MTMR3: variants seen among roughly 807,000 people sequenced by gnomAD.
MTMR3 encodes phosphatidylinositol-3,5-bisphosphate 3-phosphatase MTMR3.
In MTMR3, 32 loss-of-function variants were observed where a neutral mutation model predicts 132.4. The observed-to-expected ratio is 0.24, with a 90% CI of 0.18 to 0.32. The LOEUF is 0.32. MTMR3 is among the 10% of genes least tolerant of loss of function. The pLI, the probability that MTMR3 is intolerant of heterozygous loss-of-function variation, is 1.00. For synonymous variants in MTMR3, 556 were observed against 550.3 expected, an observed-to-expected ratio of 1.01 and a Z score of -0.14; for missense variants, 1,216 against 1,489.6, an observed-to-expected ratio of 0.82 and a Z score of 3.02.
intron 2 of MTMR3, among the ~76,000 whole-genome samples, 172 bp downstream of exon 2, chr22:29,957,260 A>AAT (rs1555905355): frequency 6.9e-6 from 1 of 144,634 alleles, no homozygotes; most frequent in African/African-American, 2.6e-5. Context: ...CTTACATGTG[A>AAT]TTATTTTTTT....
chr22:30,009,458 C>T (rs979852845), intron 12 of MTMR3: 1 of 230,162 alleles, frequency 4.3e-6, no homozygotes, highest in South Asian at 7.5e-5. Context: ...ATTTTTAGCC[C>T]AAAGAAATTT....
chr22:29,889,609 A>T (rs80127579), intron 1 of MTMR3, among the ~76,000 whole-genome samples: 15,533 of 144,456 alleles, frequency 0.11, 810 homozygotes, highest in Middle Eastern at 0.17. Context: ...AGTGTTTTTT[A>T]AAAAAAAAAG....
At chr22:29,949,093 C>G (rs111347032) in intron 1 of MTMR3, among the ~76,000 whole-genome samples, 8 of 118,768 alleles carry the variant, frequency 6.7e-5, no homozygotes, top group Non-Finnish European at 3.4e-5. Flanking sequence ...GAGGCCCTGT[C>G]TTAAAACACA....
At chr22:30,007,793 A>G in intron 10 of MTMR3, 108 bp from the exon 11 acceptor site, 1 of 1,364,334 alleles carries the variant, frequency 7.3e-7, no homozygotes, top group Non-Finnish European at 1.0e-6. Context: ...AGGGGATTTC[A>G]TTTTATTGAG....
In MTMR3 at chr22:29,896,035, C is replaced by T. The variant is rs183833250; in HGVS notation, c.-138+12676C>T. On this transcript the variant is annotated intron_variant, in intron 1 of 19. Transcript: ENST00000401950. ...CAAGCTTTTTCACCTTTTGGCTGGG[C>T]GTGGTAGCCCACGCCTGTATTCCCA... Among the ~76,000 whole-genome samples, 369 of 152,272 alleles carry T rather than the reference C, an allele frequency of 2.4e-3. 1 individual carries two copies. The highest frequency in any genetic ancestry group is 7.4e-4 in the Non-Finnish European group (50 of 68,026).
intron 5 of MTMR3, chr22:29,979,316 C>T (rs2066692590): frequency 4.0e-6 from 1 of 251,606 alleles, no homozygotes; most frequent in Non-Finnish European, 7.9e-6. Flanking sequence ...CACGGTGAAA[C>T]CCCATTTCTA....
chr22:29,927,432 G>T (rs1008868355), intron 1 of MTMR3, among the ~76,000 whole-genome samples: 14 of 152,294 alleles, frequency 9.2e-5, no homozygotes, highest in African/African-American at 2.4e-4. Flanking sequence ...AGATCATTTT[G>T]TCAGTTTGTT....
At position 30,020,738 on chromosome 22, in the gene MTMR3, A is replaced by C. The variant is rs1200707842; in HGVS notation, c.3079A>C (p.Ile1027Leu). The change falls in exon 17 of 20, where the codon ATC becomes CTC. Residue 1027 changes from isoleucine to leucine, a missense_variant. Transcript: ENST00000401950. The stretch of plus-strand genomic sequence containing the variant: ...TGGCATGTCAGTGTACACAGACACG[A>C]TCCAACAGCGCCTGCGTCAGATTGA... ...DDGMSVYTDT[I>L]QQRLRQIESG... The C allele has an allele frequency of 6.2e-7, 1 of 1,614,098 alleles. No homozygotes were observed. The highest frequency in any genetic ancestry group is 1.3e-5 in the African/African-American group (1 of 74,948).
chr22:29,944,920 G>A (rs1263565403), intron 1 of MTMR3, among the ~76,000 whole-genome samples: 1 of 152,180 alleles, frequency 6.6e-6, no homozygotes, highest in Non-Finnish European at 1.5e-5. Flanking sequence ...TAGGTTCATT[G>A]CTGAAATTGC....
chr22:30,017,718 C>T (rs574809608), intron 15 of MTMR3: 1 of 517,520 alleles, frequency 1.9e-6, no homozygotes, highest in East Asian at 3.5e-5. Context: ...TCAAGTGGCT[C>T]TTAGGTGAAA....
At chr22:29,902,045 A>AT (rs1229864032) in intron 1 of MTMR3, among the ~76,000 whole-genome samples, 3 of 152,026 alleles carry the variant, frequency 2.0e-5, no homozygotes, top group East Asian at 3.9e-4. Context: ...GTGCCCATGT[A>AT]TTTTTTTTAT....
intron 1 of MTMR3, among the ~76,000 whole-genome samples, chr22:29,954,753 C>G (rs1385849435): frequency 6.6e-6 from 1 of 152,216 alleles, no homozygotes; most frequent in Non-Finnish European, 1.5e-5. Flanking sequence ...TCAATTCATT[C>G]TTGCCCTTCG....
In MTMR3 at chr22:29,900,053, T is replaced by A. The variant is rs1390593917; in HGVS notation, c.-138+16694T>A. 1.1e-4 allele frequency among the ~76,000 whole-genome samples: 16 copies of A among 152,336 alleles called. No individual in the cohort carries two copies. In the East Asian group the frequency reaches 2.7e-3, roughly 26 times the overall value. On this transcript the variant is annotated intron_variant, in intron 1 of 19. Coordinates refer to ENST00000401950, the MANE Select transcript of MTMR3 (RefSeq NM_021090.4). ...ATGATAAGCCATTTAACCTTTTTAT[T>A]ATGATATAAAACAAACATACAGAAG...
At chr22:29,982,090 T>A (rs1328289359) in intron 5 of MTMR3, 1 of 150,950 alleles carries the variant, frequency 6.6e-6, no homozygotes, top group African/African-American at 2.4e-5. Flanking sequence ...GCACCTGTAG[T>A]CCCAGCTACT....
At chr22:29,955,247 AGT>A (rs781522388) in intron 1 of MTMR3, among the ~76,000 whole-genome samples, 10 of 152,266 alleles carry the variant, frequency 6.6e-5, no homozygotes, top group Non-Finnish European at 1.3e-4. Flanking sequence ...AGCCTCCCAA[AGT>A]GTTGGGATTA....
At chr22:30,011,452 T>TCCCGGGTTCAAGTGATTCCCC (rs2067421856) in intron 12 of MTMR3, 1 of 152,366 alleles carries the variant, frequency 6.6e-6, no homozygotes, top group South Asian at 2.1e-4. Context: ...AACCTCCACC[T>TCCCGGGTTCAAGTGATTCCCC]CCCGGGTTCA....
At chr22:29,902,762 A>G (rs146133513) in intron 1 of MTMR3, among the ~76,000 whole-genome samples, 26 of 152,270 alleles carry the variant, frequency 1.7e-4, no homozygotes, top group African/African-American at 5.8e-4. Context: ...CTCCCCCAAG[A>G]TGGCTGGAGG....
chr22:29,976,747 A>G (rs1434472075), intron 3 of MTMR3, among the ~76,000 whole-genome samples: 1 of 152,196 alleles, frequency 6.6e-6, no homozygotes. Flanking sequence ...GGCCCCTGTA[A>G]GCATCTCAGA....
At chr22:29,900,851 C>T (rs2064990954) in intron 1 of MTMR3, among the ~76,000 whole-genome samples, 1 of 152,058 alleles carries the variant, frequency 6.6e-6, no homozygotes, top group African/African-American at 2.4e-5. Flanking sequence ...GTAGCTGGGA[C>T]TACAGGTGTG....
Sources: allele counts gnomAD v4.1 joint callset (sites outside exome capture counted in the v4.1 genomes callset), GRCh38; gene constraint gnomAD v4.1.1; transcripts MANE v1.5; gene names NCBI Gene and HGNC (gene_info 2026-07-23, HGNC 2026-07-21).